Variants in DCC observed in about 807,000 individuals in gnomAD.
DCC encodes netrin receptor DCC.
DCC carries 58 observed loss-of-function variants against 172.5 expected under a neutral mutation model. That is an observed-to-expected ratio of 0.34 (90% CI 0.27 to 0.42). The LOEUF (loss-of-function observed/expected upper bound fraction) is 0.42, where lower values mean the gene tolerates loss of function less well. DCC is among the 10% of genes least tolerant of loss of function. DCC has a pLI of 1.00. For missense variants in DCC, 1,740 were observed against 1,791.0 expected (o/e 0.97, Z 0.51); for synonymous variants, 709 against 644.5 (o/e 1.10, Z -1.52).
chr18:53,424,639 C>CA (rs1910805033), intron 21 of DCC, among the ~76,000 whole-genome samples: 1 of 118,542 alleles, frequency 8.4e-6, no homozygotes, highest in African/African-American at 2.6e-5. Flanking sequence ...AAACTATTAC[C>CA]GGGGGAAGAG....
chr18:52,340,632 G>T lies in DCC; in HGVS notation c.-156G>T. On this transcript the variant is annotated 5_prime_UTR_variant, in exon 1 of 29. Transcript: ENST00000442544. ...GCTTCGAAGGCAGCAGAGGCGCAGG[G>T]GAGGTGGAGAAAGAGGTGGAGGAAG... 1 of 750,416 alleles carries T rather than the reference G, an allele frequency of 1.3e-6. No individual in the cohort carries two copies. 46.5% of individuals were successfully genotyped at this position (750,416 alleles called of 1,614,324 possible). A position where few individuals can be genotyped will look rare whatever the true frequency, so the allele number is the denominator to read the frequency against.
intron 1 of DCC, among the ~76,000 whole-genome samples, chr18:52,662,216 T>C (rs541182215): frequency 6.2e-4 from 95 of 152,266 alleles, no homozygotes; most frequent in Middle Eastern, 3.4e-3. Context: ...TCTAACAAGT[T>C]ACCGGATAGA....
intron 7 of DCC, among the ~76,000 whole-genome samples, chr18:53,150,692 G>A (rs1192776797): frequency 6.6e-6 from 1 of 152,188 alleles, no homozygotes; most frequent in Non-Finnish European, 1.5e-5. Context: ...CCCCACGTCA[G>A]GGCAGCAAAG....
intron 1 of DCC, among the ~76,000 whole-genome samples, chr18:52,422,157 A>G (rs1200657382): frequency 6.6e-6 from 1 of 152,222 alleles, no homozygotes; most frequent in East Asian, 1.9e-4. Flanking sequence ...ACAAAAAGAA[A>G]AGTGAGTGAA....
In DCC at chr18:52,693,450, C is replaced by T. The variant is rs993685954; in HGVS notation, c.92-58604C>T. On this transcript the variant is annotated intron_variant, in intron 1 of 28. Transcript: ENST00000442544. ...CATATAAAATATATGGGATATATAT[C>T]TTTATATCTATGTGTCTGTATATAT... 5.5e-5 allele frequency among the ~76,000 whole-genome samples: 8 copies of T among 146,362 alleles called. No individual in the cohort carries two copies. In the East Asian group the frequency reaches 7.9e-4, roughly 14 times the overall value.
intron 15 of DCC, among the ~76,000 whole-genome samples, chr18:53,361,056 T>G (rs1176476281): frequency 1.3e-5 from 2 of 152,064 alleles, no homozygotes; most frequent in Non-Finnish European, 2.9e-5. Context: ...AGGTGGGCCC[T>G]AAATCCCATG....
intron 7 of DCC, among the ~76,000 whole-genome samples, chr18:53,087,974 G>A (rs1227147877): frequency 6.6e-6 from 1 of 151,884 alleles, no homozygotes; most frequent in East Asian, 1.9e-4. Flanking sequence ...CTCTGTTTTG[G>A]TACCAGTACC....
At chr18:53,299,664 A>T (rs1273467361) in intron 12 of DCC, among the ~76,000 whole-genome samples, 1 of 152,222 alleles carries the variant, frequency 6.6e-6, no homozygotes, top group Non-Finnish European at 1.5e-5. Context: ...ACTTATTTAC[A>T]TGTTTACCAC....
Position 52,356,306 on chromosome 18 carries a change from A to C in DCC, c.91+15428A>C, listed in dbSNP as rs56399645. On this transcript the variant is annotated intron_variant, in intron 1 of 28. Coordinates refer to ENST00000442544, the MANE Select transcript of DCC (RefSeq NM_005215.4). Reference sequence around the variant, plus strand: ...ATATTTAGGCTCCTGCACTACTGGAATAAGTCTGTGCTGGAAATTAATGTT... The same window carrying C: ...ATATTTAGGCTCCTGCACTACTGGACTAAGTCTGTGCTGGAAATTAATGTT... Among the ~76,000 whole-genome samples, 1,041 of 152,310 alleles carry C rather than the reference A, an allele frequency of 6.8e-3. 13 individuals are homozygous for C. Among genetic ancestry groups the C allele is most frequent in the African/African-American group, 0.024 (987 of 41,586 alleles).
intron 1 of DCC, among the ~76,000 whole-genome samples, chr18:52,717,490 C>G (rs750171974): frequency 1.3e-5 from 2 of 150,170 alleles, no homozygotes; most frequent in East Asian, 2.0e-4. Flanking sequence ...TCTGCTACCC[C>G]CAGCCCAGTG....
Position 53,416,114 on chromosome 18 carries a change from T to TC in DCC, c.3131-5dup, listed in dbSNP as rs1368446526. 2 of 1,604,212 alleles carry TC rather than the reference T, an allele frequency of 1.2e-6. No homozygotes were observed. Among genetic ancestry groups the TC allele is most frequent in the African/African-American group, 1.3e-5 (1 of 74,838 alleles). ...AAAGTCTAATAATGTTATTTCTTTT[T>TC]CCCCCGCAGTGGAACACCCTGACAA... On this transcript the variant is annotated splice_polypyrimidine_tract_variant and intron_variant, in intron 20 of 28. Transcript: ENST00000442544.
chr18:53,200,366 T>G (rs2144535846), intron 9 of DCC, among the ~76,000 whole-genome samples: 1 of 152,336 alleles, frequency 6.6e-6, no homozygotes, highest in South Asian at 2.1e-4. Flanking sequence ...ATCAAATGGG[T>G]TAGACTACAT....
intron 5 of DCC, among the ~76,000 whole-genome samples, chr18:52,980,041 C>T (rs560923040): frequency 1.3e-5 from 2 of 152,266 alleles, no homozygotes; most frequent in South Asian, 4.1e-4. Context: ...TGTTCAATCA[C>T]TGTATTTAAT....
chr18:52,619,386 A>G (rs988035799), intron 1 of DCC, among the ~76,000 whole-genome samples: 1 of 152,182 alleles, frequency 6.6e-6, no homozygotes, highest in South Asian at 2.1e-4. Flanking sequence ...AAAACATTAA[A>G]CTTGAACATG....
intron 2 of DCC, among the ~76,000 whole-genome samples, chr18:52,800,580 A>C (rs4940215): frequency 1 from 152,010 of 152,240 alleles, 75,892 homozygotes; most frequent in Middle Eastern, 1. Flanking sequence ...GTTGACGGTG[A>C]GGTTAGATGC....
intron 15 of DCC, among the ~76,000 whole-genome samples, chr18:53,369,327 G>A (rs2058037043): frequency 6.6e-6 from 1 of 151,696 alleles, no homozygotes; most frequent in Non-Finnish European, 1.5e-5. Context: ...TTTTTTGTAC[G>A]TGTTTCTGTA....
intron 14 of DCC, among the ~76,000 whole-genome samples, chr18:53,336,021 C>T (rs2057587667): frequency 6.6e-6 from 1 of 152,158 alleles, no homozygotes. Flanking sequence ...GGAATTGTGA[C>T]ACCTACAATT....
chr18:53,439,451 T>G (rs1057450514), intron 22 of DCC, among the ~76,000 whole-genome samples: 1 of 152,188 alleles, frequency 6.6e-6, no homozygotes, highest in African/African-American at 2.4e-5. Context: ...GACAGAATTA[T>G]AGAGGTTTCC....
intron 2 of DCC, among the ~76,000 whole-genome samples, chr18:52,844,867 G>A (rs188712220): frequency 8.1e-4 from 123 of 152,258 alleles, no homozygotes; most frequent in African/African-American, 2.6e-3. Context: ...AAAAGTCTCT[G>A]GACAAGAAGT....
Sources: gnomAD v4.1 joint callset for allele counts (sites outside exome capture counted in the v4.1 genomes callset) on GRCh38, gnomAD v4.1.1 for gene constraint, MANE v1.5 for transcripts, NCBI Gene and HGNC (gene_info 2026-07-23, HGNC 2026-07-21) for gene names.